Variants in ADCY2 observed in about 807,000 individuals in gnomAD.
ADCY2 encodes the protein adenylate cyclase 2.
A neutral mutation model predicts 125.2 loss-of-function variants in ADCY2; 31 were observed. The ratio of observed to expected loss-of-function variants is 0.25; its 90% CI spans 0.19 to 0.33. The LOEUF (loss-of-function observed/expected upper bound fraction) is 0.33, where lower values mean the gene tolerates loss of function less well. Ranked by LOEUF, ADCY2 falls within the 10% of genes least tolerant of loss-of-function variation. The pLI is 1.00. For missense variants in ADCY2, 904 were observed against 1,418.2 expected (o/e 0.64, Z 5.82); for synonymous variants, 512 against 548.4 (o/e 0.93, Z 0.93).
At chr5:7,785,216 G>A (rs1011114742) in intron 19 of ADCY2, among the ~76,000 whole-genome samples, 1 of 152,196 alleles carries the variant, frequency 6.6e-6, no homozygotes, top group Non-Finnish European at 1.5e-5. Context: ...TATCTAAGAG[G>A]TACACTATAC....
chr5:7,513,326 A>T (rs1744142236), intron 2 of ADCY2, among the ~76,000 whole-genome samples: 1 of 152,190 alleles, frequency 6.6e-6, no homozygotes. Flanking sequence ...TATGAAAAGA[A>T]CTTGTGACTC....
intron 2 of ADCY2, among the ~76,000 whole-genome samples, chr5:7,506,292 A>G (rs886366603): frequency 1.1e-4 from 16 of 152,364 alleles, no homozygotes; most frequent in African/African-American, 3.8e-4. Flanking sequence ...TAGTTTTTAC[A>G]TATAAAATAT....
chr5:7,671,944 A>C (rs192660610), intron 4 of ADCY2, among the ~76,000 whole-genome samples: 3 of 152,340 alleles, frequency 2.0e-5, no homozygotes, highest in African/African-American at 7.2e-5. Context: ...AGTCTCATTC[A>C]AATGAGTGGG....
chr5:7,446,537 AATACATACATAC>A (rs59436276), intron 2 of ADCY2, among the ~76,000 whole-genome samples: 63 of 150,838 alleles, frequency 4.2e-4, no homozygotes, highest in East Asian at 1.8e-3. Flanking sequence ...CTCTGAAATA[AATACATACATAC>A]ATACATACAT....
chr5:7,570,581 A>G (rs1369478194), intron 3 of ADCY2, among the ~76,000 whole-genome samples: 2 of 151,398 alleles, frequency 1.3e-5, no homozygotes, highest in Admixed American at 6.6e-5. Flanking sequence ...AAAAAAGAAG[A>G]TAATACATAG....
At chr5:7,453,939 C>T (rs1040054760) in intron 2 of ADCY2, among the ~76,000 whole-genome samples, 3 of 152,110 alleles carry the variant, frequency 2.0e-5, no homozygotes, top group Non-Finnish European at 2.9e-5. Context: ...CCCACTCACC[C>T]GACTCCTGAG....
intron 2 of ADCY2, among the ~76,000 whole-genome samples, chr5:7,441,226 G>C (rs1469218361): frequency 2.6e-5 from 4 of 152,186 alleles, no homozygotes; most frequent in Admixed American, 2.6e-4. Flanking sequence ...GCTGTCCACT[G>C]AGAGTAGTTT....
At chr5:7,626,377 C>T (rs1738128668) in intron 4 of ADCY2, 61 bp downstream of exon 4, 1 of 1,559,856 alleles carries the variant, frequency 6.4e-7, no homozygotes, top group Non-Finnish European at 8.7e-7. Flanking sequence ...GATGCTGTTA[C>T]TATTAATGTT....
At chr5:7,660,987 C>CA (rs1159519627) in intron 4 of ADCY2, among the ~76,000 whole-genome samples, 6 of 152,122 alleles carry the variant, frequency 3.9e-5, no homozygotes, top group Admixed American at 1.3e-4. Context: ...TGTAGAAACT[C>CA]AAAAAATCTT....
At chr5:7,821,545 C>T (rs147239005) in intron 24 of ADCY2, among the ~76,000 whole-genome samples, 23 of 152,322 alleles carry the variant, frequency 1.5e-4, no homozygotes, top group African/African-American at 5.1e-4. Context: ...GCTCCTCCCA[C>T]GTGCTGACTA....
intron 3 of ADCY2, among the ~76,000 whole-genome samples, chr5:7,599,620 G>A (rs1737129309): frequency 6.6e-6 from 1 of 152,146 alleles, no homozygotes; most frequent in African/African-American, 2.4e-5. Flanking sequence ...CACAGATTTG[G>A]AGGACATTAC....
intron 22 of ADCY2, among the ~76,000 whole-genome samples, chr5:7,812,772 G>C (rs1418457351): frequency 6.6e-6 from 1 of 152,130 alleles, no homozygotes; most frequent in Non-Finnish European, 1.5e-5. Context: ...AACCAGGCTT[G>C]GTGGGCACAC....
intron 4 of ADCY2, among the ~76,000 whole-genome samples, chr5:7,642,792 G>A (rs1267133551): frequency 6.6e-6 from 1 of 152,042 alleles, no homozygotes; most frequent in Non-Finnish European, 1.5e-5. Flanking sequence ...GAAATTGGGG[G>A]CCTCTTTTCA....
rs1186159854 is a variant in ADCY2 at position 7,772,919 on chromosome 5, T to C, written c.2215-13T>C. 1.2e-6 allele frequency: 2 copies of C among 1,613,334 alleles called. No individual in the cohort carries two copies. Among genetic ancestry groups the C allele is most frequent in the South Asian group, 2.2e-5 (2 of 90,952 alleles). On this transcript the variant is annotated splice_polypyrimidine_tract_variant and intron_variant, in intron 17 of 24. Transcript: ENST00000338316. ...GATCCTAAGTATCTGTCTGGTGTCC[T>C]TCCCTGTTTCAGTACTTTATCTACA...
intron 23 of ADCY2, among the ~76,000 whole-genome samples, chr5:7,820,103 A>G (rs1745249220): frequency 6.6e-6 from 1 of 152,176 alleles, no homozygotes; most frequent in African/African-American, 2.4e-5. Context: ...ATGCCACAAA[A>G]TCAAAGGAGA....
intron 3 of ADCY2, among the ~76,000 whole-genome samples, chr5:7,614,606 C>G (rs1737687684): frequency 6.6e-6 from 1 of 152,178 alleles, no homozygotes; most frequent in African/African-American, 2.4e-5. Context: ...GCTCCAGACC[C>G]ATAGTCACTC....
intron 3 of ADCY2, among the ~76,000 whole-genome samples, chr5:7,553,908 A>G (rs1735425472): frequency 6.6e-6 from 1 of 152,196 alleles, no homozygotes; most frequent in Non-Finnish European, 1.5e-5. Context: ...CAATATGGAA[A>G]GGAAAATGTG....
chr5:7,491,534 A>AAAC (rs1288876860), intron 2 of ADCY2, among the ~76,000 whole-genome samples: 1 of 152,226 alleles, frequency 6.6e-6, no homozygotes, highest in Admixed American at 6.5e-5. Flanking sequence ...GGAACAAGTT[A>AAAC]ACCCATTATT....
chr5:7,802,313 G>A lies in ADCY2; in HGVS notation c.2724G>A (p.Glu908=). Residue 908 remains glutamate (E), a synonymous_variant, in exon 21 of 25, where the codon GAG becomes GAA. Coordinates refer to ENST00000338316, the MANE Select transcript of ADCY2 (RefSeq NM_020546.3). This position sits in a 1 kb window ranked among gnomAD's most constrained non-coding sequence, Gnocchi z 4.6. ...EFYTESDVNK[E]GLECLRLLNE... ...ATACAGAATCCGACGTGAACAAGGA[G>A]GGCTTGGAATGCCTTCGGCTCCTGA... 1.2e-6 allele frequency: 2 copies of A among 1,614,196 alleles called. No individual in the cohort carries two copies. The highest frequency in any genetic ancestry group is 1.7e-5 in the Admixed American group (1 of 60,024).
Sources: gnomAD v4.1 joint callset for allele counts (sites outside exome capture counted in the v4.1 genomes callset) on GRCh38, gnomAD v4.1.1 for gene constraint, Gnocchi (gnomAD v3.1) non-coding constraint, MANE v1.5 for transcripts, NCBI Gene and HGNC (gene_info 2026-07-23, HGNC 2026-07-21) for gene names.